Variants in UBA7 observed in about 807,000 individuals in gnomAD.
UBA7 encodes the protein ubiquitin like modifier activating enzyme 7.
In UBA7, 88 loss-of-function variants were observed where a neutral mutation model predicts 113.0. That is an observed-to-expected ratio of 0.78 (90% CI 0.66 to 0.93). The LOEUF (loss-of-function observed/expected upper bound fraction) is 0.93, where lower values mean the gene tolerates loss of function less well. UBA7 is among the 40% of genes least tolerant of loss of function. The probability of loss-of-function intolerance (pLI) is 0.00; values close to 1 mark genes in which losing one functional copy is unlikely to be tolerated. For synonymous variants in UBA7, 459 were observed against 513.0 expected, an observed-to-expected ratio of 0.89 and a Z score of 1.42; for missense variants, 1,092 against 1,266.4, an observed-to-expected ratio of 0.86 and a Z score of 2.09.
In UBA7 at chr3:49,810,752, C is replaced by G; in HGVS notation, c.1311G>C (p.Leu437=). The G allele has an allele frequency of 6.2e-7, 1 of 1,614,166 alleles. No individual in the cohort carries two copies. The highest frequency in any genetic ancestry group is 1.3e-5 in the African/African-American group (1 of 75,050). The stretch of plus-strand genomic sequence containing the variant: ...CCCCCAGTCTCACCCCACAGCTCAC[C>G]AGGAGGTAGTGCTGGCGTCTCAGTT... The part of the protein sequence containing the change: ...QEKLRRQHYL[L]VGAGAIGCEL... Residue 437 remains leucine, a splice_region_variant and synonymous_variant, in exon 11 of 24, where the codon CTG becomes CTC. Coordinates refer to ENST00000333486, the MANE Select transcript of UBA7 (RefSeq NM_003335.3). This position sits in a 1 kb window ranked among gnomAD's most constrained non-coding sequence, Gnocchi z 5.6.
Position 49,809,376 on chromosome 3 carries a change from A to G in UBA7, c.2163+14T>C. 1.2e-6 allele frequency: 2 copies of G among 1,613,606 alleles called. No homozygotes were observed. Among genetic ancestry groups the G allele is most frequent in the Non-Finnish European group, 8.5e-7 (1 of 1,179,624 alleles). On this transcript the variant is annotated intron_variant, in intron 17 of 23. Transcript: ENST00000333486. ...ACATCTCTATCTTGGAGCTCCCTAC[A>G]GAATCCCACTCACTTGGTTGGTGTC...
intron 17 of UBA7, 77 bp from the exon 18 acceptor site, chr3:49,809,236 G>C: frequency 1.3e-6 from 2 of 1,547,082 alleles, no homozygotes; most frequent in Admixed American, 3.8e-5. Flanking sequence ...GGATCTGTTT[G>C]AGTGCCTGCC....
intron 2 of UBA7, 44 bp from the exon 3 acceptor site, chr3:49,813,427 G>T: frequency 1.9e-6 from 3 of 1,609,464 alleles, no homozygotes; most frequent in Non-Finnish European, 2.5e-6. Flanking sequence ...CACTCCTCTT[G>T]GGCCGTGCCC....
At chr3:49,808,521 T>C in intron 18 of UBA7, 53 bp from the exon 19 acceptor site, 1 of 1,575,430 alleles carries the variant, frequency 6.3e-7, no homozygotes, top group East Asian at 2.2e-5. Context: ...TCCTGCACTC[T>C]TCTTGGAGCC....
At chr3:49,813,436 C>G (rs747197501) in intron 2 of UBA7, 43 bp downstream of exon 2, 1 of 1,609,038 alleles carries the variant, frequency 6.2e-7, no homozygotes, top group South Asian at 1.1e-5. Context: ...TGGGCCGTGC[C>G]CCCACCTTGG....
At chr3:49,808,163 C>G in intron 19 of UBA7, 51 bp from the exon 20 acceptor site, 2 of 1,602,430 alleles carry the variant, frequency 1.2e-6, no homozygotes, top group Non-Finnish European at 1.7e-6. Flanking sequence ...TGCCCCTCAC[C>G]GTGGCCCACT....
intron 6 of UBA7, 31 bp from the exon 7 acceptor site, chr3:49,812,237 T>C (rs1309544992): frequency 1.2e-6 from 2 of 1,613,384 alleles, no homozygotes; most frequent in African/African-American, 2.7e-5. Flanking sequence ...TCAGTAATGA[T>C]CCTTGAGCCT....
chr3:49,809,294 TG>T, intron 17 of UBA7, 95 bp downstream of exon 17: 1 of 1,546,488 alleles, frequency 6.5e-7, no homozygotes, highest in Non-Finnish European at 8.8e-7. Flanking sequence ...TGGCTCTCTC[TG>T]GGCATCTGTG....
chr3:49,812,406 AC>A lies in UBA7; in HGVS notation c.694+1del, dbSNP rs1033073181. 1.2e-6 allele frequency: 2 copies of A among 1,613,986 alleles called. No individual in the cohort carries two copies. The highest frequency in any genetic ancestry group is 1.7e-6 in the Non-Finnish European group (2 of 1,180,002). On this transcript the variant is annotated splice_donor_variant, in intron 6 of 23. Coordinates refer to ENST00000333486, the MANE Select transcript of UBA7 (RefSeq NM_003335.3). LOFTEE classifies it high-confidence loss of function. ...CCTGGAATTGGAATGGGATTGGCTTACCCCGCACGTGGATAGACCGGGGATC... is the reference window on the plus strand; with the variant it reads ...CCTGGAATTGGAATGGGATTGGCTTACCCGCACGTGGATAGACCGGGGATC...
chr3:49,805,567 A>G (rs1014151985), intron 23 of UBA7, 130 bp from the exon 24 acceptor site: 3 of 843,052 alleles, frequency 3.6e-6, no homozygotes, highest in Non-Finnish European at 5.7e-6. Context: ...TGCTCAAGAC[A>G]GGAAACATCT....
chr3:49,805,801 G>A (rs2081438216), intron 23 of UBA7, 96 bp downstream of exon 23: 5 of 1,201,340 alleles, frequency 4.2e-6, no homozygotes, highest in Admixed American at 4.2e-5. Context: ...GGTGTGAGGG[G>A]CCCAGAATGG....
Position 49,811,304 on chromosome 3 carries a change from A to G in UBA7, c.1091T>C (p.Leu364Pro). 2 of 1,614,146 alleles carry G rather than the reference A, an allele frequency of 1.2e-6. No homozygotes were observed. The highest frequency in any genetic ancestry group is 1.7e-6 in the Non-Finnish European group (2 of 1,180,012). ...CACTTCCTGGGCAGCTACTGCACCC[A>G]GCATGGCCACCATAGGGCTCAAGAC... is the stretch of plus-strand genomic sequence containing the variant. ...AGVLSPMVAM[L>P]GAVAAQEVLK... Residue 364 changes from leucine (L) to proline (P), a missense_variant, in exon 9 of 24, where the codon CTG (leucine) becomes CCG (proline). Around this residue, in one of 3 missense-constraint regions of UBA7, gnomAD observed 584 missense variants for 714.5 expected, o/e 0.82. Transcript: ENST00000333486.
Position 49,810,069 on chromosome 3 carries a change from CTG to C in UBA7, c.1746_1747del (p.Tyr582Ter), listed in dbSNP as rs1463780062. 1.9e-6 allele frequency: 3 copies of C among 1,613,396 alleles called. No homozygotes were observed. In the East Asian group the frequency reaches 6.7e-5, roughly 36 times the overall value. On this transcript the variant is annotated stop_gained and frameshift_variant, in exon 14 of 24. Coordinates refer to ENST00000333486, the MANE Select transcript of UBA7 (RefSeq NM_003335.3). LOFTEE classifies it high-confidence loss of function. This position sits in a 1 kb window ranked among gnomAD's most constrained non-coding sequence, Gnocchi z 5.6. ...AGAAGCTGCAGCTGAGGCAGGGGCT[CTG>C]TAGGCCTCAGTCACATGTGGCATGA...
Position 49,806,081 on chromosome 3 carries a change from G to A in UBA7, c.2800C>T (p.His934Tyr), listed in dbSNP as rs781707579. ...PERTLESLLAHLQEQHGLRVR... is the reference protein window; with the variant it reads ...PERTLESLLAYLQEQHGLRVR... ...GTAGCAACAGGGCACACCTGAAGAT[G>A]AGCCAGCAGCGACTCCAGGGTCCTC... Residue 934 changes from histidine (H) to tyrosine (Y), a missense_variant, in exon 22 of 24, where the codon CAT becomes TAT. By Grantham distance (83) the His-to-Tyr change is moderately conservative. This residue lies in a region of UBA7 where 500 missense variants were observed against 529.3 expected (regional missense o/e 0.94). Coordinates refer to ENST00000333486, the MANE Select transcript of UBA7 (RefSeq NM_003335.3). The A allele has an allele frequency of 6.3e-7, 1 of 1,591,898 alleles. No homozygotes were observed. Among genetic ancestry groups the A allele is most frequent in the Non-Finnish European group, 8.5e-7 (1 of 1,169,634 alleles).
chr3:49,809,638 C>T lies in UBA7; in HGVS notation c.1992G>A (p.Gln664=). The change falls in exon 16 of 24, where the codon CAG becomes CAA. Residue 664 remains glutamine (Q), a synonymous_variant. Transcript: ENST00000333486. ...PVLGVLRVRP[Q]NWQDCVAWAL... is the part of the protein sequence containing the mutation. Reference sequence around the variant, plus strand: ...CCCACGCCACACAGTCTTGCCAGTTCTGTGGACGCACTCTCAGGACCCCAA... The same window carrying T: ...CCCACGCCACACAGTCTTGCCAGTTTTGTGGACGCACTCTCAGGACCCCAA... 6.2e-7 allele frequency: 1 copy of T among 1,614,128 alleles called. No homozygotes were observed. The highest frequency in any genetic ancestry group is 8.5e-7 in the Non-Finnish European group (1 of 1,180,046).
rs114272505 is a variant in UBA7 at position 49,808,010 on chromosome 3, G to A, written c.2523+10C>T. 6.8e-6 allele frequency: 11 copies of A among 1,614,036 alleles called. No homozygotes were observed. The highest frequency in any genetic ancestry group is 6.7e-5 in the African/African-American group (5 of 74,944). On this transcript the variant is annotated intron_variant, in intron 20 of 23. Coordinates refer to ENST00000333486, the MANE Select transcript of UBA7 (RefSeq NM_003335.3). ...CACCTCCAGGCCCAAGCCTCAAGGG[G>A]TGGGGTTACCTGGGCACGGTTGACC... is the stretch of plus-strand genomic sequence containing the variant.
chr3:49,809,254 C>A, intron 17 of UBA7, 95 bp from the exon 18 acceptor site: 1 of 1,531,792 alleles, frequency 6.5e-7, no homozygotes, highest in South Asian at 1.2e-5. Context: ...GCCTTTGCCT[C>A]ACATGTAGAC....
Position 49,809,887 on chromosome 3 carries a change from G to A in UBA7, c.1840-8C>T, listed in dbSNP as rs1237524190. On this transcript the variant is annotated splice_polypyrimidine_tract_variant and splice_region_variant and intron_variant, in intron 14 of 23. Coordinates refer to ENST00000333486, the MANE Select transcript of UBA7 (RefSeq NM_003335.3). ...AAACTCATGCCGGGCCCACTGTGGA[G>A]GAGGGAGGAAGAATGAGGTATCAGG... 2 of 1,614,222 alleles carry A rather than the reference G, an allele frequency of 1.2e-6. No individual in the cohort carries two copies. Among genetic ancestry groups the A allele is most frequent in the Admixed American group, 3.3e-5 (2 of 60,030 alleles).
At chr3:49,813,191 A>G (rs779640345) in intron 3 of UBA7, 23 bp from the exon 4 acceptor site, 1 of 1,613,772 alleles carries the variant, frequency 6.2e-7, no homozygotes, top group South Asian at 1.1e-5. Context: ...AGTGATCAGC[A>G]GGGCCAAAAC....
Sources: gnomAD v4.1 joint callset for allele counts on GRCh38, gnomAD v4.1.1 for gene constraint, gnomAD v4.1.1 regional missense constraint, Gnocchi (gnomAD v3.1) non-coding constraint, MANE v1.5 for transcripts, NCBI Gene and HGNC (gene_info 2026-07-23, HGNC 2026-07-21) for gene names.